LMBR1: variants seen among roughly 807,000 people sequenced by gnomAD.
LMBR1 encodes limb development membrane protein 1.
Under a neutral mutation model 73.9 loss-of-function variants are expected in LMBR1, and 52 were observed. The observed-to-expected ratio is 0.70, with a 90% confidence interval of 0.56 to 0.89. LMBR1 has a LOEUF of 0.89. Among genes scored for constraint, LMBR1 ranks in the 40% least tolerant of loss-of-function variants. The probability of loss-of-function intolerance (pLI) is 0.00; values close to 1 mark genes in which losing one functional copy is unlikely to be tolerated. For synonymous variants in LMBR1, 215 were observed against 209.4 expected, an observed-to-expected ratio of 1.03 and a Z score of -0.23; for missense variants, 539 against 579.8, an observed-to-expected ratio of 0.93 and a Z score of 0.72.
At chr7:156,869,458 T>C (rs916103900) in intron 1 of LMBR1, among the ~76,000 whole-genome samples, 3 of 152,186 alleles carry the variant, frequency 2.0e-5, no homozygotes, top group Non-Finnish European at 2.9e-5. Context: ...TCAGGTGATA[T>C]ACTTTCAACT....
intron 9 of LMBR1, among the ~76,000 whole-genome samples, chr7:156,740,705 G>C (rs1459431095): frequency 1.3e-5 from 2 of 152,076 alleles, no homozygotes; most frequent in African/African-American, 2.4e-5. Flanking sequence ...CAAAAGCTGA[G>C]GCATTTCATC....
rs780026772 is a variant in LMBR1, at chr7:156,725,435, C to A, written c.1158G>T (p.Lys386Asn). The change falls in exon 14 of 17, where the codon AAG becomes AAT. Residue 386 changes from lysine (K) to asparagine (N), a missense_variant and splice_region_variant. By Grantham distance (94) the Lys-to-Asn change is moderately conservative (BLOSUM62 0). Transcript: ENST00000353442. ...TPKKDDTTMT[K>N]IIGNCVSILV... ...ACAGTCACCTAAGATTCTACCTTAC[C>A]TTTGTCATAGTTGTGTCATCTTTCT... The A allele has an allele frequency of 3.8e-5, 60 of 1,591,694 alleles. 1 individual carries two copies. The South Asian group carries it at 5.8e-4, about 16-fold the overall frequency.
intron 15 of LMBR1, among the ~76,000 whole-genome samples, chr7:156,701,523 T>C (rs923451734): frequency 2.6e-5 from 4 of 152,194 alleles, no homozygotes; most frequent in African/African-American, 9.7e-5. Context: ...GTCAGGCACA[T>C]GTATGAGAAT....
intron 2 of LMBR1, among the ~76,000 whole-genome samples, chr7:156,835,896 TTATA>T (rs1435344829): frequency 6.6e-6 from 1 of 152,218 alleles, no homozygotes; most frequent in African/African-American, 2.4e-5. Flanking sequence ...AATGATGCAT[TTATA>T]TACATTCATT....
intron 4 of LMBR1, among the ~76,000 whole-genome samples, chr7:156,671,035 G>A (rs567575425): frequency 2.6e-5 from 4 of 152,270 alleles, no homozygotes; most frequent in Non-Finnish European, 5.9e-5. Context: ...TCCTTGTATT[G>A]GTTCGAGGGA....
chr7:156,861,023 G>A (rs1201430796), intron 1 of LMBR1, among the ~76,000 whole-genome samples: 1 of 152,232 alleles, frequency 6.6e-6, no homozygotes, highest in African/African-American at 2.4e-5. Context: ...GAGGATGGTG[G>A]CCCTCTTCTC....
intron 1 of LMBR1, among the ~76,000 whole-genome samples, chr7:156,886,933 A>G (rs1032080102): frequency 1.4e-4 from 22 of 152,274 alleles, no homozygotes; most frequent in Non-Finnish European, 1.0e-4. Flanking sequence ...CAGATGTCCC[A>G]TCCCATTCTG....
intron 15 of LMBR1, among the ~76,000 whole-genome samples, chr7:156,714,260 C>A (rs1051842433): frequency 2.0e-5 from 3 of 152,152 alleles, no homozygotes; most frequent in African/African-American, 7.2e-5. Context: ...GGTAGATAAA[C>A]GGAAAACTGC....
At chr7:156,674,064 C>A (rs1050136941), downstream of LMBR1, among the ~76,000 whole-genome samples, 4 of 152,182 alleles carry the variant, frequency 2.6e-5, no homozygotes, top group African/African-American at 9.7e-5. Context: ...CTTCTTTGTG[C>A]TTCAAGCCGG....
chr7:156,891,405 C>T (rs1420182046), intron 1 of LMBR1, among the ~76,000 whole-genome samples: 3 of 150,840 alleles, frequency 2.0e-5, no homozygotes, highest in Non-Finnish European at 3.0e-5. Context: ...TAACCACATA[C>T]AACATGGAGA....
intron 5 of LMBR1, among the ~76,000 whole-genome samples, chr7:156,790,350 A>G (rs1828980853): frequency 6.6e-6 from 1 of 152,090 alleles, no homozygotes; most frequent in African/African-American, 2.4e-5. Context: ...ATCCCTCAGC[A>G]ACCCTGGTAG....
Position 156,892,933 on chromosome 7 carries a change from A to T in LMBR1, c.61T>A (p.Ser21Thr), listed in dbSNP as rs367632078. Reference protein sequence around the residue: ...EQHFHSQVRESTICFLLFAIL... With the variant: ...EQHFHSQVRETTICFLLFAIL... ...CTGCCTCGGTCCCCACGCACCGTGGACTCCCGCACTTGGCTGTGGAAGTGC... is the reference window on the plus strand; with the variant it reads ...CTGCCTCGGTCCCCACGCACCGTGGTCTCCCGCACTTGGCTGTGGAAGTGC... Residue 21 changes from serine (S) to threonine (T), a missense_variant, in exon 1 of 17, where the codon TCC becomes ACC. Physicochemically the swap from Ser to Thr is moderately conservative, Grantham distance 58. This residue lies in a region of LMBR1 where 454 missense variants were observed against 473.4 expected (regional missense o/e 0.96). Transcript: ENST00000353442. 251 of 1,532,416 alleles carry T rather than the reference A, an allele frequency of 1.6e-4. No individual in the cohort carries two copies. Among genetic ancestry groups the T allele is most frequent in the Non-Finnish European group, 2.0e-4 (233 of 1,147,384 alleles). The allele number at this position is 1,532,416 out of a possible 1,614,324, so 94.9% of individuals were successfully genotyped here. A position where few individuals can be genotyped will look rare whatever the true frequency, so the allele number is the denominator to read the frequency against.
intron 15 of LMBR1, among the ~76,000 whole-genome samples, chr7:156,698,212 TC>T (rs948444391): frequency 2.0e-5 from 3 of 152,214 alleles, no homozygotes; most frequent in African/African-American, 7.2e-5. Flanking sequence ...CTTGGGCAGC[TC>T]CACCCCTGTG....
downstream of LMBR1, chr7:156,676,569 G>GTT: frequency 6.2e-7 from 1 of 1,614,230 alleles, no homozygotes. Flanking sequence ...GCTGGCACTA[G>GTT]AGGAGTTCTC....
intron 15 of LMBR1, among the ~76,000 whole-genome samples, chr7:156,715,807 C>G (rs1421809802): frequency 6.6e-6 from 1 of 152,208 alleles, no homozygotes; most frequent in Non-Finnish European, 1.5e-5. Context: ...GTACCAAAAT[C>G]TGATCATCCA....
chr7:156,782,936 T>C (rs1321641867), intron 5 of LMBR1, among the ~76,000 whole-genome samples: 1 of 152,218 alleles, frequency 6.6e-6, no homozygotes, highest in African/African-American at 2.4e-5. Context: ...CTTCTTTGGA[T>C]AGACTTTGGA....
intron 15 of LMBR1, among the ~76,000 whole-genome samples, chr7:156,710,998 A>G (rs1811961553): frequency 6.6e-6 from 1 of 152,192 alleles, no homozygotes; most frequent in Non-Finnish European, 1.5e-5. Context: ...GATATCTTTA[A>G]GAAAAAAATA....
chr7:156,818,761 T>C (rs2133720964), intron 4 of LMBR1, among the ~76,000 whole-genome samples: 1 of 152,318 alleles, frequency 6.6e-6, no homozygotes. Context: ...AATGAAGAGT[T>C]TCATATTTTC....
chr7:156,872,992 C>G (rs187528328), intron 1 of LMBR1, among the ~76,000 whole-genome samples: 1 of 152,132 alleles, frequency 6.6e-6, no homozygotes, highest in Admixed American at 6.5e-5. Flanking sequence ...CGGACCCTCA[C>G]GGTGAGTGTT....
Sources: gnomAD v4.1 joint callset for allele counts (sites outside exome capture counted in the v4.1 genomes callset) on GRCh38, gnomAD v4.1.1 for gene constraint, gnomAD v4.1.1 regional missense constraint, MANE v1.5 for transcripts, NCBI Gene and HGNC (gene_info 2026-07-23, HGNC 2026-07-21) for gene names.